RBFOX1: variants seen among roughly 807,000 people sequenced by gnomAD.
RBFOX1 encodes the protein RNA binding fox-1 homolog 1, also known as RNA binding protein fox-1 homolog 1.
Under a neutral mutation model 57.7 loss-of-function variants are expected in RBFOX1, and 8 were observed. That is an observed-to-expected ratio of 0.14 (90% CI 0.08 to 0.25). The LOEUF is 0.25. Among genes scored for constraint, RBFOX1 ranks in the 10% least tolerant of loss-of-function variants. The probability of loss-of-function intolerance (pLI) is 1.00; values close to 1 mark genes in which losing one functional copy is unlikely to be tolerated. For synonymous variants in RBFOX1, 326 were observed against 222.4 expected, an observed-to-expected ratio of 1.47 and a Z score of -4.15; for missense variants, 611 against 548.5, an observed-to-expected ratio of 1.11 and a Z score of -1.14.
chr16:6,343,168 T>C (rs1322414961), intron 2 of RBFOX1, among the ~76,000 whole-genome samples: 1 of 152,212 alleles, frequency 6.6e-6, no homozygotes, highest in African/African-American at 2.4e-5. Context: ...TCACAAAAGA[T>C]AGTCTCATCA....
At chr16:5,824,671 A>G (rs937067985) in intron 3 of RBFOX1, among the ~76,000 whole-genome samples, 6 of 152,228 alleles carry the variant, frequency 3.9e-5, no homozygotes, top group African/African-American at 9.6e-5. Context: ...GAGTTCCACA[A>G]TTAGGCATCT....
chr16:7,564,650 A>G (rs377153761), intron 5 of RBFOX1, among the ~76,000 whole-genome samples: 2 of 151,046 alleles, frequency 1.3e-5, no homozygotes, highest in Non-Finnish European at 2.9e-5. Context: ...ACCAGCCTCC[A>G]GAACTGTAAG....
chr16:6,021,816 A>G (rs936474761), intron 1 of RBFOX1, among the ~76,000 whole-genome samples: 6 of 152,160 alleles, frequency 3.9e-5, no homozygotes, highest in Admixed American at 6.5e-5. Flanking sequence ...TCAGAGTTTC[A>G]GTCGTAGTTC....
intron 2 of RBFOX1, among the ~76,000 whole-genome samples, chr16:5,485,488 G>A (rs970439883): frequency 3.3e-5 from 5 of 152,052 alleles, no homozygotes; most frequent in African/African-American, 9.7e-5. Flanking sequence ...ATGATGATGT[G>A]ATTAGTAACA....
chr16:7,339,051 G>C (rs1319163362), intron 4 of RBFOX1, among the ~76,000 whole-genome samples: 1 of 152,176 alleles, frequency 6.6e-6, no homozygotes, highest in Non-Finnish European at 1.5e-5. Context: ...CTAAATTAAA[G>C]AGTCAGGGAG....
At chr16:5,745,906 G>A (rs1443278259) in intron 3 of RBFOX1, among the ~76,000 whole-genome samples, 1 of 152,092 alleles carries the variant, frequency 6.6e-6, no homozygotes, top group African/African-American at 2.4e-5. Flanking sequence ...GACTCTGATG[G>A]TAGTTTCTTT....
At chr16:6,757,846 C>A (rs2076042471) in intron 3 of RBFOX1, among the ~76,000 whole-genome samples, 1 of 152,106 alleles carries the variant, frequency 6.6e-6, no homozygotes, top group East Asian at 1.9e-4. Context: ...GATGGATACC[C>A]CCAATTACCC....
In RBFOX1 at chr16:5,379,093, T is replaced by C. The variant is rs796181380; in HGVS notation, c.220-88123T>C. Among the ~76,000 whole-genome samples the C allele has an allele frequency of 8.6e-5, 13 of 151,678 alleles. 1 individual carries two copies. Among genetic ancestry groups the C allele is most frequent in the African/African-American group, 2.9e-4 (12 of 40,956 alleles). ...GTAATGGCAAAAACTGCAATAACTT[T>C]TGCATCAACCTAATGCATCAACAGC... On this transcript the variant is annotated intron_variant, in intron 1 of 2. Coordinates refer to the RBFOX1 transcript ENST00000585867.
intron 2 of RBFOX1, among the ~76,000 whole-genome samples, chr16:5,494,678 C>T (rs527946447): frequency 3.3e-5 from 5 of 152,238 alleles, no homozygotes; most frequent in South Asian, 4.2e-4. Context: ...GGCAGGTTTG[C>T]ATGTCACTGT....
intron 11 of RBFOX1, 107 bp downstream of exon 11, chr16:7,630,790 G>T: frequency 1.3e-6 from 2 of 1,522,356 alleles, no homozygotes; most frequent in Non-Finnish European, 1.8e-6. Context: ...ACCCTCTCTT[G>T]TGGCTCTCTC....
At chr16:6,910,035 C>G (rs1483212283) in intron 3 of RBFOX1, among the ~76,000 whole-genome samples, 6 of 152,174 alleles carry the variant, frequency 3.9e-5, no homozygotes, top group Non-Finnish European at 7.4e-5. Flanking sequence ...GTTCATTACT[C>G]TTACCTCTAC....
At chr16:7,538,342 C>T (rs1251149163) in intron 5 of RBFOX1, among the ~76,000 whole-genome samples, 1 of 152,188 alleles carries the variant, frequency 6.6e-6, no homozygotes, top group Non-Finnish European at 1.5e-5. Flanking sequence ...ATAGCTGCTA[C>T]TATTATGCTA....
At chr16:7,466,497 A>T (rs1221855425) in intron 4 of RBFOX1, among the ~76,000 whole-genome samples, 1 of 152,100 alleles carries the variant, frequency 6.6e-6, no homozygotes, top group Admixed American at 6.6e-5. Flanking sequence ...AGGGTGGTTA[A>T]TGGAGCCCAG....
intron 9 of RBFOX1, among the ~76,000 whole-genome samples, chr16:7,601,041 A>G (rs1294437675): frequency 6.6e-6 from 1 of 152,190 alleles, no homozygotes; most frequent in Non-Finnish European, 1.5e-5. Flanking sequence ...TCTGCAATAC[A>G]AGATTGAGAG....
intron 4 of RBFOX1, among the ~76,000 whole-genome samples, chr16:7,231,989 T>C (rs564431342): frequency 6.6e-6 from 1 of 152,280 alleles, no homozygotes; most frequent in African/African-American, 2.4e-5. Context: ...GGGGTGGTGG[T>C]TGCATAACAT....
chr16:5,354,823 C>G (rs899256843), intron 1 of RBFOX1, among the ~76,000 whole-genome samples: 3 of 152,200 alleles, frequency 2.0e-5, no homozygotes, highest in African/African-American at 7.2e-5. Context: ...TCTGAGACTC[C>G]TGATGGCAGC....
At chr16:6,744,824 G>A (rs2073185630) in intron 3 of RBFOX1, among the ~76,000 whole-genome samples, 1 of 151,992 alleles carries the variant, frequency 6.6e-6, no homozygotes, top group South Asian at 2.1e-4. Context: ...TAGAAGATAG[G>A]AAATAAAGAT....
chr16:6,442,040 A>C (rs904049060), intron 2 of RBFOX1, among the ~76,000 whole-genome samples: 1 of 152,188 alleles, frequency 6.6e-6, no homozygotes, highest in Non-Finnish European at 1.5e-5. Context: ...TTTGTTTCCA[A>C]GCTTTTAATT....
At chr16:7,064,787 G>A (rs927002852) in intron 4 of RBFOX1, among the ~76,000 whole-genome samples, 4 of 152,220 alleles carry the variant, frequency 2.6e-5, no homozygotes, top group East Asian at 1.9e-4. Flanking sequence ...AAAGCCCCCC[G>A]AACTTGATAG....
Sources: gnomAD v4.1 joint callset for allele counts (sites outside exome capture counted in the v4.1 genomes callset) on GRCh38, gnomAD v4.1.1 for gene constraint, MANE v1.5 for transcripts, NCBI Gene and HGNC (gene_info 2026-07-23, HGNC 2026-07-21) for gene names.